STAT4: variants seen among roughly 807,000 people sequenced by gnomAD.
STAT4 encodes the protein signal transducer and activator of transcription 4.
STAT4 carries 42 observed loss-of-function variants against 110.5 expected under a neutral mutation model. The observed-to-expected ratio is 0.38, with a 90% CI of 0.30 to 0.49. The LOEUF (loss-of-function observed/expected upper bound fraction) is 0.49, where lower values mean the gene tolerates loss of function less well. Among genes scored for constraint, STAT4 ranks in the 20% least tolerant of loss-of-function variants. The probability of loss-of-function intolerance (pLI) is 0.95; values close to 1 mark genes in which losing one functional copy is unlikely to be tolerated. For missense variants in STAT4, 632 were observed against 887.9 expected (o/e 0.71, Z 3.66); for synonymous variants, 284 against 302.2 (o/e 0.94, Z 0.63).
At chr2:191,119,261 T>C (rs1698655014) in intron 3 of STAT4, among the ~76,000 whole-genome samples, 1 of 152,166 alleles carries the variant, frequency 6.6e-6, no homozygotes, top group Non-Finnish European at 1.5e-5. Flanking sequence ...GGGACACCCT[T>C]GGGGTCATTC....
chr2:191,069,634 ACT>A (rs1697087560), intron 6 of STAT4, 57 bp downstream of exon 6: 4 of 1,299,442 alleles, frequency 3.1e-6, no homozygotes, highest in Non-Finnish European at 3.3e-6. Flanking sequence ...CAGTGAGAAA[ACT>A]CTACTCAAGA....
At chr2:191,057,629 C>T (rs72913168) in intron 13 of STAT4, among the ~76,000 whole-genome samples, 10,912 of 130,358 alleles carry the variant, frequency 0.084, 538 homozygotes, top group Middle Eastern at 0.2. Flanking sequence ...GATGCAGTCT[C>T]GCATTGTGGC....
chr2:191,078,002 T>G (rs1697362201), intron 3 of STAT4, among the ~76,000 whole-genome samples: 1 of 152,156 alleles, frequency 6.6e-6, no homozygotes, highest in African/African-American at 2.4e-5. Context: ...GATGTTAATT[T>G]TCCCATGTAT....
At chr2:191,101,107 C>T (rs2125334282) in intron 3 of STAT4, among the ~76,000 whole-genome samples, 1 of 152,144 alleles carries the variant, frequency 6.6e-6, no homozygotes, top group South Asian at 2.1e-4. Flanking sequence ...AGATCATAAT[C>T]ATTAAATAAA....
chr2:191,072,031 TC>T (rs1697174377), intron 5 of STAT4, among the ~76,000 whole-genome samples: 1 of 151,998 alleles, frequency 6.6e-6, no homozygotes, highest in African/African-American at 2.4e-5. Flanking sequence ...AGCCAAAGTC[TC>T]CCCGTAGAGT....
At chr2:191,130,630 G>A (rs1699010393) in intron 3 of STAT4, among the ~76,000 whole-genome samples, 1 of 151,506 alleles carries the variant, frequency 6.6e-6, no homozygotes, top group African/African-American at 2.4e-5. Flanking sequence ...ATCATGCTGG[G>A]GACCCGTATT....
Position 191,033,269 on chromosome 2 carries a change from A to G in STAT4, c.1853-120T>C, listed in dbSNP as rs1695950869. 2.5e-6 allele frequency: 3 copies of G among 1,186,900 alleles called. No homozygotes were observed. The highest frequency in any genetic ancestry group is 2.5e-5 in the East Asian group (1 of 39,776). The allele number at this position is 1,186,900 out of a possible 1,614,324, so 73.5% of individuals were successfully genotyped here. A position where few individuals can be genotyped will look rare whatever the true frequency, so the allele number is the denominator to read the frequency against. ...TGACTTGTCAGTTCATGTCACTTCA[A>G]TGTCAGACCTTCTGCTGTCTGGACA... On this transcript the variant is annotated intron_variant, in intron 20 of 23. Transcript: ENST00000392320. The surrounding 1 kb of genome is among the most constrained non-coding windows in gnomAD (Gnocchi z 6.9).
At chr2:191,119,755 A>G (rs1698668340) in intron 3 of STAT4, among the ~76,000 whole-genome samples, 1 of 152,210 alleles carries the variant, frequency 6.6e-6, no homozygotes, top group African/African-American at 2.4e-5. Context: ...CTAGACTTTT[A>G]CTATCATATA....
rs956723238 is a variant in STAT4 at position 191,107,209 on chromosome 2, A to G, written c.274-30884T>C. On this transcript the variant is annotated intron_variant, in intron 3 of 23. Transcript: ENST00000392320. The surrounding 1 kb of genome is among the most constrained non-coding windows in gnomAD (Gnocchi z 4.2). ...TGTTTTGTGAGGTCTTTGGTATGATAGTAGTCATTTTATCCCCAGGGTCAA... is the reference window on the plus strand; with the variant it reads ...TGTTTTGTGAGGTCTTTGGTATGATGGTAGTCATTTTATCCCCAGGGTCAA... 9.9e-5 allele frequency among the ~76,000 whole-genome samples: 15 copies of G among 152,212 alleles called. No individual in the cohort carries two copies. Among genetic ancestry groups the G allele is most frequent in the Non-Finnish European group, 1.9e-4 (13 of 68,032 alleles).
At chr2:191,092,377 C>T (rs1697824679) in intron 3 of STAT4, among the ~76,000 whole-genome samples, 1 of 152,072 alleles carries the variant, frequency 6.6e-6, no homozygotes, top group Non-Finnish European at 1.5e-5. Context: ...GCACTCCAGC[C>T]TGGGTGACAG....
rs965425155 is a variant in STAT4, at chr2:191,058,849, A to T, written c.1035-80T>A. 1.3e-6 allele frequency: 1 copy of T among 779,484 alleles called. No individual in the cohort carries two copies. The highest frequency in any genetic ancestry group is 1.8e-5 in the African/African-American group (1 of 56,296). 48.3% of individuals were successfully genotyped at this position (779,484 alleles called of 1,614,324 possible). ...AACCCTTTTTTATATTTAAACATTT[A>T]AATATACTATGAAATATGCATATAA... is the stretch of plus-strand genomic sequence containing the variant. On this transcript the variant is annotated intron_variant, in intron 10 of 23. Coordinates refer to ENST00000392320, the MANE Select transcript of STAT4 (RefSeq NM_003151.4). The surrounding 1 kb of genome is among the most constrained non-coding windows in gnomAD (Gnocchi z 4.3).
In STAT4 at chr2:191,148,649, GCTT is replaced by G. The variant is rs201355536; in HGVS notation, c.-1-448_-1-446del. Among the ~76,000 whole-genome samples the G allele has an allele frequency of 8.8e-3, 1,339 of 152,150 alleles. 26 individuals carry two copies. Among genetic ancestry groups the G allele is most frequent in the African/African-American group, 0.031 (1,268 of 41,510 alleles). ...TATGTGAGGAACAACCCCCCAAGAA[GCTT>G]CTTTTATATGAAATTGCCAAATTTC... is the stretch of plus-strand genomic sequence containing the variant. On this transcript the variant is annotated intron_variant, in intron 1 of 23. Transcript: ENST00000392320.
chr2:191,079,455 T>G (rs1697403935), intron 3 of STAT4, among the ~76,000 whole-genome samples: 1 of 152,014 alleles, frequency 6.6e-6, no homozygotes, highest in Admixed American at 6.6e-5. Flanking sequence ...ATCTTTTTCC[T>G]CATTGTTTTT....
chr2:191,032,771 C>T lies in STAT4; in HGVS notation c.2044+187G>A. The T allele has an allele frequency of 1.7e-6, 1 of 600,900 alleles. No homozygotes were observed. The highest frequency in any genetic ancestry group is 3.0e-5 in the East Asian group (1 of 33,482). 37.2% of individuals were successfully genotyped at this position (600,900 alleles called of 1,614,324 possible). A position where few individuals can be genotyped will look rare whatever the true frequency, so the allele number is the denominator to read the frequency against. ...TTATTACTCGCTAGTGTTAGAAAGC[C>T]CAGCGGTCCCTTTTCAGGAACTGCT... On this transcript the variant is annotated intron_variant, in intron 21 of 23. Transcript: ENST00000392320. This position sits in a 1 kb window ranked among gnomAD's most constrained non-coding sequence, Gnocchi z 4.9.
At chr2:191,126,570 C>T (rs112996759) in intron 3 of STAT4, among the ~76,000 whole-genome samples, 12 of 152,314 alleles carry the variant, frequency 7.9e-5, no homozygotes, top group African/African-American at 1.9e-4. Flanking sequence ...CTCAGTGGTA[C>T]GGTTAGTTGT....
intron 3 of STAT4, among the ~76,000 whole-genome samples, chr2:191,141,584 T>TACATATATATGTGTATATACACACAC (rs1699335757): frequency 1.7e-5 from 2 of 120,478 alleles, no homozygotes; most frequent in African/African-American, 6.0e-5. Flanking sequence ...TATATACATA[T>TACATATATATGTGTATATACACACAC]ACATATATAT....
chr2:191,055,421 G>A (rs1403619539), intron 13 of STAT4, among the ~76,000 whole-genome samples: 1 of 125,086 alleles, frequency 8.0e-6, no homozygotes, highest in Non-Finnish European at 1.6e-5. Flanking sequence ...GGGTTTCACT[G>A]TGTTAGCCAG....
rs16833247 is a variant in STAT4, at chr2:191,077,051, G to A, written c.274-726C>T. ...TATTTGGTACTGTTTGTGTCAACTA[G>A]CTCATAGCTGCATTAGTATACTAGA... On this transcript the variant is annotated intron_variant, in intron 3 of 23. Transcript: ENST00000392320. This position sits in a 1 kb window ranked among gnomAD's most constrained non-coding sequence, Gnocchi z 4.1. 0.026 allele frequency among the ~76,000 whole-genome samples: 3,929 copies of A among 152,230 alleles called. 174 individuals carry two copies. The highest frequency in any genetic ancestry group is 0.09 in the African/African-American group (3,751 of 41,514).
chr2:191,052,916 C>T lies in STAT4; in HGVS notation c.1251+1574G>A, dbSNP rs538009226. Among the ~76,000 whole-genome samples, 18 of 152,304 alleles carry T rather than the reference C, an allele frequency of 1.2e-4. No homozygotes were observed. The East Asian group carries it at 2.9e-3, about 24-fold the overall frequency. On this transcript the variant is annotated intron_variant, in intron 14 of 23. Coordinates refer to ENST00000392320, the MANE Select transcript of STAT4 (RefSeq NM_003151.4). ...CCCCAAAACTCTGCTCCTGTGATTTCTTTGACTGCAGAGACCTGCTTAGGG... is the reference window on the plus strand; with the variant it reads ...CCCCAAAACTCTGCTCCTGTGATTTTTTTGACTGCAGAGACCTGCTTAGGG...
Sources: allele counts gnomAD v4.1 joint callset (sites outside exome capture counted in the v4.1 genomes callset), GRCh38; gene constraint gnomAD v4.1.1; non-coding constraint Gnocchi (gnomAD v3.1); transcripts MANE v1.5; gene names NCBI Gene and HGNC (gene_info 2026-07-23, HGNC 2026-07-21).